Variants in NBPF10 observed in about 807,000 individuals in gnomAD.
The protein encoded by NBPF10 is NBPF family member NBPF10.
Under a neutral mutation model 77.9 loss-of-function variants are expected in NBPF10, and 63 were observed. The ratio of observed to expected loss-of-function variants is 0.81; its 90% confidence interval spans 0.66 to 1.00. The LOEUF is 1.00. Ranked by LOEUF, NBPF10 falls within the 50% of genes least tolerant of loss-of-function variation. NBPF10 has a pLI of 0.00. For missense variants in NBPF10, 522 were observed against 679.8 expected (o/e 0.77, Z 2.58); for synonymous variants, 146 against 264.5 (o/e 0.55, Z 4.35).
intron 7 of NBPF10, among the ~76,000 whole-genome samples, chr1:146,135,976 G>T: frequency 6.7e-6 from 1 of 149,958 alleles, no homozygotes; most frequent in Admixed American, 6.7e-5. Flanking sequence ...AACATTGATT[G>T]AGTGAAAGAA....
rs1553789972 is a variant in NBPF10, at chr1:146,126,386, C to T, written c.1876G>A (p.Glu626Lys). Residue 626 changes from glutamate (E) to lysine (K), a missense_variant, in exon 14 of 90, where the codon GAG becomes AAG. Glu to Lys is a moderately conservative substitution (Grantham distance 56). Coordinates refer to ENST00000583866, the Ensembl canonical transcript of NBPF10. ...TCCTGCAAGACTTCAGGCCCTTTCT[C>T]ATCCAGCAGCTCCCTGCTGAGCGTG... 24 of 1,325,444 alleles carry T rather than the reference C, an allele frequency of 1.8e-5. 1 individual carries two copies. Among genetic ancestry groups the T allele is most frequent in the Non-Finnish European group, 2.5e-5 (23 of 922,264 alleles). 82.1% of individuals were successfully genotyped at this position (1,325,444 alleles called of 1,614,324 possible).
intron 5 of NBPF10, among the ~76,000 whole-genome samples, chr1:146,139,266 T>A (rs797035195): frequency 9.8e-4 from 38 of 38,744 alleles, no homozygotes; most frequent in South Asian, 1.9e-3. Context: ...CGCCCAGCTA[T>A]TTTTTTTTTT....
intron 7 of NBPF10, among the ~76,000 whole-genome samples, chr1:146,136,097 T>C (rs1659673980): frequency 6.7e-6 from 1 of 149,634 alleles, no homozygotes; most frequent in Non-Finnish European, 1.5e-5. Context: ...ACTCCTTTGG[T>C]TAATTTTGTG....
chr1:146,136,027 G>T (rs868911379), intron 7 of NBPF10, among the ~76,000 whole-genome samples: 1 of 149,322 alleles, frequency 6.7e-6, no homozygotes, highest in African/African-American at 2.5e-5. Context: ...CTCACTAAGG[G>T]TAAGTGGGGT....
chr1:146,126,487 C>G lies in NBPF10; in HGVS notation c.1854-79G>C, dbSNP rs587669573. 4,654 of 730,640 alleles carry G rather than the reference C, an allele frequency of 6.4e-3. 65 individuals carry two copies. The highest frequency in any genetic ancestry group is 0.028 in the Middle Eastern group (76 of 2,736). The allele number at this position is 730,640 out of a possible 1,614,324, so 45.3% of individuals were successfully genotyped here. On this transcript the variant is annotated intron_variant, in intron 13 of 89. Transcript: ENST00000583866. ...AGCCCCAGCTAGATTTCATGGCTAA[C>G]ATAAGGAAGAGTTTGAAAAGAAAAA...
exon 86 of NBPF10, chr1:146,069,599 C>G (rs587659422): frequency 6.5e-7 from 1 of 1,546,558 alleles, no homozygotes; most frequent in Non-Finnish European, 8.8e-7. Context: ...AAAGGCACTT[C>G]TGTAGGGCTG....
At position 146,134,255 on chromosome 1, in the gene NBPF10, G is replaced by A. The variant is rs781795876; in HGVS notation, c.1317C>T (p.Asn439=). Residue 439 remains asparagine, a synonymous_variant, in exon 9 of 90, where the codon AAC becomes AAT. Coordinates refer to ENST00000583866, the Ensembl canonical transcript of NBPF10. ...CAACTTGAACATCTTCATCGTCATC[G>A]TTGTCATTTTCTGCAAATACAGAAG... The A allele has an allele frequency of 1.0e-5, 16 of 1,602,328 alleles. 1 individual carries two copies. Among genetic ancestry groups the A allele is most frequent in the South Asian group, 3.3e-5 (3 of 90,714 alleles).
In NBPF10 at chr1:146,068,187, G is replaced by A; in HGVS notation, c.10863-12C>T. Reference sequence around the variant, plus strand: ...GCTCCCTGCTGAGCCTGGAAAAGTAGGAAAAAGTAAAGAATAAGCCAGGGG... The same window carrying A: ...GCTCCCTGCTGAGCCTGGAAAAGTAAGAAAAAGTAAAGAATAAGCCAGGGG... On this transcript the variant is annotated splice_polypyrimidine_tract_variant and intron_variant, in intron 87 of 89. Coordinates refer to ENST00000583866, the Ensembl canonical transcript of NBPF10. The A allele has an allele frequency of 5.3e-6, 2 of 379,688 alleles. No homozygotes were observed. The highest frequency in any genetic ancestry group is 2.2e-5 in the South Asian group (1 of 44,750). The allele number at this position is 379,688 out of a possible 1,614,324, so 23.5% of individuals were successfully genotyped here.
rs781924756 is a variant in NBPF10 at position 146,142,722 on chromosome 1, A to C, written c.206T>G (p.Phe69Cys). The C allele has an allele frequency of 1.0e-5, 14 of 1,361,834 alleles. 5 individuals are homozygous for C. The South Asian group carries it at 1.9e-4, about 18-fold the overall frequency. The allele number at this position is 1,361,834 out of a possible 1,614,324, so 84.4% of individuals were successfully genotyped here. The stretch of plus-strand genomic sequence containing the variant: ...GAACTGTCGCTCATTCCTCAGCATA[A>C]ATTTTATGAGGTCTTTACACTCTTC... The change falls in exon 2 of 90, where the codon TTT becomes TGT. Residue 69 changes from phenylalanine (F) to cysteine (C), a missense_variant. Coordinates refer to ENST00000583866, the Ensembl canonical transcript of NBPF10.
chr1:146,139,093 T>C (rs1303158648), intron 5 of NBPF10, among the ~76,000 whole-genome samples: 2 of 19,296 alleles, frequency 1.0e-4, no homozygotes, highest in South Asian at 1.7e-3. Context: ...AGAGACTTAC[T>C]TTTTTTTTTT....
In NBPF10 at chr1:146,066,530, G is replaced by A. The variant is rs201192694; in HGVS notation, c.11176C>T (p.Arg3726Cys). The stretch of plus-strand genomic sequence containing the variant: ...TCCAGTGAGTCCTGTAAGACTTCAC[G>A]CTCTTCCACTTCCATCAGCACGCCG... Residue 3726 changes from arginine (R) to cysteine (C), a missense_variant, in exon 90 of 90, where the codon CGT (arginine) becomes TGT (cysteine). This residue lies in a region of NBPF10 where 183 missense variants were observed against 96.6 expected (regional missense o/e 1.89). Coordinates refer to ENST00000583866, the Ensembl canonical transcript of NBPF10. 4,099 of 693,620 alleles carry A rather than the reference G, an allele frequency of 5.9e-3. 18 individuals carry two copies. Among genetic ancestry groups the A allele is most frequent in the South Asian group, 0.01 (512 of 50,524 alleles). The allele number at this position is 693,620 out of a possible 1,614,324, so 43.0% of individuals were successfully genotyped here. A position where few individuals can be genotyped will look rare whatever the true frequency, so the allele number is the denominator to read the frequency against.
chr1:146,072,935 G>C, intron 81 of NBPF10, 34 bp from the exon 82 acceptor site: 1 of 119,266 alleles, frequency 8.4e-6, no homozygotes, highest in South Asian at 3.7e-5. Context: ...GAATAAGTCA[G>C]GGGGAATCAG....
At chr1:146,066,797 A>C (rs1219126814) in intron 89 of NBPF10, among the ~76,000 whole-genome samples, 1 of 151,882 alleles carries the variant, frequency 6.6e-6, no homozygotes, top group African/African-American at 2.4e-5. Flanking sequence ...GACAGAGAGA[A>C]AGTGACCTAG....
chr1:146,133,028 G>A (rs1659353365), intron 10 of NBPF10, among the ~76,000 whole-genome samples: 2 of 16,284 alleles, frequency 1.2e-4, no homozygotes, highest in African/African-American at 2.9e-4. Flanking sequence ...TATCAGCAAA[G>A]TAAAGAAGAA....
intron 17 of NBPF10, among the ~76,000 whole-genome samples, chr1:146,123,515 C>CAT: frequency 9.4e-6 from 1 of 105,942 alleles, no homozygotes; most frequent in African/African-American, 4.6e-5. Context: ...CACACACACA[C>CAT]ACACACACAC....
At chr1:146,120,965 CTG>C (rs1331385014) in intron 20 of NBPF10, among the ~76,000 whole-genome samples, 189 bp from the exon 21 acceptor site, 2 of 75,128 alleles carry the variant, frequency 2.7e-5, no homozygotes, top group Non-Finnish European at 4.9e-5. Context: ...GTCCCAGAAA[CTG>C]TGGGTAAAAT....
chr1:146,126,114 G>T, intron 14 of NBPF10, 122 bp downstream of exon 14: 4 of 719,492 alleles, frequency 5.6e-6, no homozygotes, highest in South Asian at 1.6e-5. Context: ...ACCTACATGT[G>T]CCTATAGGTC....
chr1:146,087,171 C>G, intron 63 of NBPF10, 75 bp from the exon 64 acceptor site: 1 of 10,332 alleles, frequency 9.7e-5, no homozygotes, highest in East Asian at 1.1e-3. Flanking sequence ...GATTTCATGG[C>G]TAACATAAGG....
intron 14 of NBPF10, among the ~76,000 whole-genome samples, chr1:146,125,958 T>G (rs587622160): frequency 6.6e-6 from 1 of 151,466 alleles, no homozygotes; most frequent in Middle Eastern, 3.2e-3. Context: ...AAAATCAGAG[T>G]TGTGTGAATT....
Sources: gnomAD v4.1 joint callset for allele counts (sites outside exome capture counted in the v4.1 genomes callset) on GRCh38, gnomAD v4.1.1 for gene constraint, gnomAD v4.1.1 regional missense constraint, MANE v1.5 for transcripts, NCBI Gene and HGNC (gene_info 2026-07-23, HGNC 2026-07-21) for gene names.